The following TOX variants were observed in gnomAD, a reference collection of about 807,000 sequenced individuals.
TOX encodes the protein thymocyte selection-associated high mobility group box protein TOX.
In TOX, 11 loss-of-function variants were observed where a neutral mutation model predicts 53.7. That is an observed-to-expected ratio of 0.20 (90% CI 0.13 to 0.34). The LOEUF (loss-of-function observed/expected upper bound fraction) is 0.34. Ranked by LOEUF, TOX falls within the 10% of genes least tolerant of loss-of-function variation. The probability of loss-of-function intolerance (pLI) is 1.00; values close to 1 mark genes in which losing one functional copy is unlikely to be tolerated. For synonymous variants in TOX, 225 were observed against 245.3 expected (o/e 0.92, Z 0.77); for missense variants, 570 against 664.6 (o/e 0.86, Z 1.56).
chr8:59,057,899 T>C (rs938082259), intron 1 of TOX, among the ~76,000 whole-genome samples: 2 of 152,102 alleles, frequency 1.3e-5, no homozygotes, highest in African/African-American at 4.8e-5. Context: ...CAGGCTGGAG[T>C]GCAGTGGCAC....
chr8:58,827,105 T>G (rs2129165880), intron 5 of TOX, among the ~76,000 whole-genome samples: 1 of 152,220 alleles, frequency 6.6e-6, no homozygotes, highest in East Asian at 1.9e-4. Flanking sequence ...AAAAAAAAGT[T>G]AGCAACAGTA....
intron 1 of TOX, among the ~76,000 whole-genome samples, chr8:59,022,015 T>C (rs1814145097): frequency 6.6e-6 from 1 of 152,168 alleles, no homozygotes; most frequent in Non-Finnish European, 1.5e-5. Context: ...ACATTTCCTA[T>C]GAAGGGATTA....
intron 3 of TOX, among the ~76,000 whole-genome samples, chr8:58,859,544 C>T (rs1810972632): frequency 6.6e-6 from 1 of 152,136 alleles, no homozygotes; most frequent in African/African-American, 2.4e-5. Flanking sequence ...CAATTTATCA[C>T]AAGAAAGTAA....
intron 3 of TOX, among the ~76,000 whole-genome samples, chr8:58,874,540 A>G (rs1310230601): frequency 1.3e-5 from 2 of 152,194 alleles, no homozygotes; most frequent in Non-Finnish European, 2.9e-5. Flanking sequence ...TTCTTGAGAA[A>G]GGAAAGTCTA....
intron 1 of TOX, among the ~76,000 whole-genome samples, chr8:58,966,565 C>G (rs1812904664): frequency 6.6e-6 from 1 of 152,086 alleles, no homozygotes; most frequent in South Asian, 2.1e-4. Flanking sequence ...TAGTGCTAGA[C>G]CCACAACTTA....
intron 1 of TOX, among the ~76,000 whole-genome samples, chr8:59,035,350 A>T (rs570660347): frequency 4.9e-4 from 75 of 152,230 alleles, no homozygotes; most frequent in African/African-American, 1.7e-3. Flanking sequence ...GTAATTCCCA[A>T]ATTATGTCTA....
intron 1 of TOX, among the ~76,000 whole-genome samples, chr8:59,096,984 A>G (rs1347794418): frequency 6.6e-6 from 1 of 152,222 alleles, no homozygotes; most frequent in Non-Finnish European, 1.5e-5. Context: ...GAAACAGGAT[A>G]GAGGGCAATC....
chr8:58,849,889 T>C (rs537910913), intron 4 of TOX, among the ~76,000 whole-genome samples: 1 of 152,258 alleles, frequency 6.6e-6, no homozygotes, highest in Admixed American at 6.5e-5. Context: ...ACAAACAAAT[T>C]ATTAGTGTTC....
intron 1 of TOX, among the ~76,000 whole-genome samples, chr8:59,086,240 C>T (rs946924076): frequency 2.0e-5 from 3 of 152,114 alleles, no homozygotes; most frequent in Admixed American, 1.3e-4. Flanking sequence ...CTACCTCGGC[C>T]TCCCAAAGGG....
chr8:58,809,810 G>A (rs1810046359), intron 7 of TOX, among the ~76,000 whole-genome samples: 1 of 152,220 alleles, frequency 6.6e-6, no homozygotes, highest in African/African-American at 2.4e-5. Context: ...CAAGGCTGCT[G>A]TAAGCATCTT....
intron 1 of TOX, among the ~76,000 whole-genome samples, chr8:59,010,740 A>G (rs1813889574): frequency 6.6e-6 from 1 of 152,248 alleles, no homozygotes; most frequent in Non-Finnish European, 1.5e-5. Context: ...GTTAAGTGCT[A>G]TTATCCACTT....
intron 7 of TOX, among the ~76,000 whole-genome samples, chr8:58,814,973 A>C (rs1257702770): frequency 2.0e-5 from 3 of 152,234 alleles, no homozygotes; most frequent in Non-Finnish European, 4.4e-5. Flanking sequence ...AGAATTCTCT[A>C]TTCCAAAGAG....
At chr8:59,008,584 TC>T (rs11352201) in intron 1 of TOX, among the ~76,000 whole-genome samples, 152,222 of 152,226 alleles carry the variant, frequency 1, 76,109 homozygotes, top group Non-Finnish European at 1. Flanking sequence ...GAAGCTCACC[TC>T]CCCCCCATGA....
intron 1 of TOX, among the ~76,000 whole-genome samples, chr8:58,964,421 C>T (rs1812855856): frequency 6.6e-6 from 1 of 152,136 alleles, no homozygotes; most frequent in South Asian, 2.1e-4. Context: ...ACCTTTCCCA[C>T]CCCACCCTAT....
chr8:59,105,861 T>C (rs1013361829), intron 1 of TOX, among the ~76,000 whole-genome samples: 2 of 152,232 alleles, frequency 1.3e-5, no homozygotes, highest in African/African-American at 4.8e-5. Flanking sequence ...ATTTTTTTCC[T>C]GTTTTTACAT....
intron 1 of TOX, among the ~76,000 whole-genome samples, chr8:58,967,097 A>G (rs1180430038): frequency 6.6e-6 from 1 of 151,906 alleles, no homozygotes; most frequent in African/African-American, 2.4e-5. Flanking sequence ...GATGGTCTCC[A>G]TCTCCTGACC....
intron 1 of TOX, among the ~76,000 whole-genome samples, chr8:58,969,630 G>A (rs1812966415): frequency 1.3e-5 from 2 of 151,866 alleles, no homozygotes; most frequent in Admixed American, 1.3e-4. Context: ...CCCTTCACAA[G>A]GCATATGCAT....
intron 2 of TOX, among the ~76,000 whole-genome samples, chr8:58,942,031 G>A: frequency 6.7e-6 from 1 of 148,794 alleles, no homozygotes; most frequent in Non-Finnish European, 1.5e-5. Flanking sequence ...CCAGCGTGGG[G>A]TGACAGAGCA....
intron 3 of TOX, among the ~76,000 whole-genome samples, chr8:58,896,127 G>A (rs1019493250): frequency 3.9e-5 from 6 of 151,954 alleles, no homozygotes; most frequent in East Asian, 1.9e-4. Flanking sequence ...TGCTTCCTAC[G>A]TTTGGCTATG....
Sources: gnomAD v4.1 joint callset for allele counts (sites outside exome capture counted in the v4.1 genomes callset) on GRCh38, gnomAD v4.1.1 for gene constraint, MANE v1.5 for transcripts, NCBI Gene and HGNC (gene_info 2026-07-23, HGNC 2026-07-21) for gene names.